Variants in FBP2 observed in about 807,000 individuals in gnomAD.
The protein encoded by FBP2 is fructose-bisphosphatase 2, also known as fructose-1,6-bisphosphatase isozyme 2.
In FBP2, 27 loss-of-function variants were observed where a neutral mutation model predicts 31.6. The ratio of observed to expected loss-of-function variants is 0.85; its 90% CI spans 0.63 to 1.18. The LOEUF is 1.18. FBP2 is among the 50% of genes most tolerant of loss of function. FBP2 has a pLI of 0.00. For missense variants in FBP2, 421 were observed against 436.1 expected, an observed-to-expected ratio of 0.97 and a Z score of 0.31; for synonymous variants, 168 against 179.8, an observed-to-expected ratio of 0.93 and a Z score of 0.53.
chr9:94,567,243 G>A (rs374994599), intron 5 of FBP2, 27 bp downstream of exon 5: 7 of 1,613,138 alleles, frequency 4.3e-6, no homozygotes, highest in Non-Finnish European at 5.9e-6. Flanking sequence ...CATTCTGTCT[G>A]CCACCCACCT....
intron 5 of FBP2, among the ~76,000 whole-genome samples, chr9:94,563,769 C>T (rs1207639381): frequency 6.6e-6 from 1 of 152,096 alleles, no homozygotes. Context: ...ACATGCAGTG[C>T]CACCTATAGG....
chr9:94,582,947 G>A (rs112528389), intron 3 of FBP2, among the ~76,000 whole-genome samples: 7,274 of 147,136 alleles, frequency 0.049, 554 homozygotes, highest in African/African-American at 0.17. Flanking sequence ...CTCTGCCCCC[G>A]GGTTCAAGCA....
At chr9:94,559,234 T>C in intron 6 of FBP2, 102 bp from the exon 7 acceptor site, 1 of 979,802 alleles carries the variant, frequency 1.0e-6, no homozygotes, top group Non-Finnish European at 1.5e-6. Flanking sequence ...GGTGCTTCCA[T>C]CTGGCTAGCA....
intron 5 of FBP2, among the ~76,000 whole-genome samples, chr9:94,565,464 T>C (rs1319159226): frequency 6.6e-6 from 1 of 152,172 alleles, no homozygotes; most frequent in African/African-American, 2.4e-5. Context: ...TTTTTTGTTG[T>C]CTTTATGTGA....
chr9:94,573,616 T>C (rs779403904), intron 3 of FBP2, among the ~76,000 whole-genome samples: 3 of 152,234 alleles, frequency 2.0e-5, no homozygotes, highest in Non-Finnish European at 4.4e-5. Flanking sequence ...CCTGTTGATA[T>C]GGTGGATTAC....
chr9:94,559,956 C>G (rs1423666773), intron 6 of FBP2, among the ~76,000 whole-genome samples: 1 of 152,116 alleles, frequency 6.6e-6, no homozygotes, highest in Non-Finnish European at 1.5e-5. Context: ...GAGACCCCAT[C>G]TCTACAAAAA....
intron 3 of FBP2, among the ~76,000 whole-genome samples, chr9:94,576,286 A>G (rs553507563): frequency 6.6e-6 from 1 of 152,204 alleles, no homozygotes; most frequent in African/African-American, 2.4e-5. Flanking sequence ...CTTCCCCCGA[A>G]ATAGTCAAAG....
Position 94,593,731 on chromosome 9 carries a change from G to T in FBP2, c.-5C>A. ...GAAGGGGCTTCTGTCCGTCATTTTG[G>T]CTGGAATGCTTCAAATCCTTTTCTC... is the stretch of plus-strand genomic sequence containing the variant. On this transcript the variant is annotated 5_prime_UTR_variant, in exon 1 of 7. Coordinates refer to ENST00000375337, the MANE Select transcript of FBP2 (RefSeq NM_003837.4). 6.2e-7 allele frequency: 1 copy of T among 1,613,912 alleles called. No individual in the cohort carries two copies. The highest frequency in any genetic ancestry group is 8.5e-7 in the Non-Finnish European group (1 of 1,179,874).
At chr9:94,559,616 TC>T (rs1827064365) in intron 6 of FBP2, among the ~76,000 whole-genome samples, 1 of 152,072 alleles carries the variant, frequency 6.6e-6, no homozygotes, top group South Asian at 2.1e-4. Flanking sequence ...GTGGAGGAAC[TC>T]CACATCTTAA....
chr9:94,572,086 C>A (rs1827275765), intron 3 of FBP2, among the ~76,000 whole-genome samples: 2 of 152,128 alleles, frequency 1.3e-5, no homozygotes, highest in Non-Finnish European at 2.9e-5. Flanking sequence ...GCACAACTCG[C>A]CCAGCAGCAG....
Position 94,584,292 on chromosome 9 carries a change from G to A in FBP2, c.426+285C>T, listed in dbSNP as rs1489168464. On this transcript the variant is annotated intron_variant, in intron 3 of 6. Coordinates refer to ENST00000375337, the MANE Select transcript of FBP2 (RefSeq NM_003837.4). The stretch of plus-strand genomic sequence containing the variant: ...TTCAGAATGCCACCTGGAACCTAAT[G>A]CCATGTCTGACATTTGTGTTGCACC... 2.0e-5 allele frequency among the ~76,000 whole-genome samples: 3 copies of A among 152,282 alleles called. No individual in the cohort carries two copies. In the East Asian group the frequency reaches 5.8e-4, roughly 29 times the overall value.
At chr9:94,576,903 G>A (rs1027502608) in intron 3 of FBP2, among the ~76,000 whole-genome samples, 1 of 152,032 alleles carries the variant, frequency 6.6e-6, no homozygotes, top group African/African-American at 2.4e-5. Flanking sequence ...GCTGGGGTTG[G>A]GGGGGCATTG....
intron 1 of FBP2, among the ~76,000 whole-genome samples, chr9:94,589,220 C>G (rs989254786): frequency 2.6e-5 from 4 of 152,216 alleles, no homozygotes; most frequent in Non-Finnish European, 5.9e-5. Flanking sequence ...CCGCCACCCT[C>G]TCACGTTCCA....
At chr9:94,590,522 C>G (rs1432863193) in intron 1 of FBP2, among the ~76,000 whole-genome samples, 1 of 152,110 alleles carries the variant, frequency 6.6e-6, no homozygotes, top group Non-Finnish European at 1.5e-5. Context: ...AGCCGCGGAC[C>G]CTCGCGGTGA....
chr9:94,567,411 G>A lies in FBP2; in HGVS notation c.568-4C>T. 1 of 1,613,702 alleles carries A rather than the reference G, an allele frequency of 6.2e-7. No homozygotes were observed. The highest frequency in any genetic ancestry group is 8.5e-7 in the Non-Finnish European group (1 of 1,180,004). Reference sequence around the variant, plus strand: ...CCAGGACAAATTCACCAAGAGCCTAGCAACATGAAGAGAGATGCCAGGAAG... The same window carrying A: ...CCAGGACAAATTCACCAAGAGCCTAACAACATGAAGAGAGATGCCAGGAAG... On this transcript the variant is annotated splice_polypyrimidine_tract_variant and splice_region_variant and intron_variant, in intron 4 of 6. Transcript: ENST00000375337.
intron 6 of FBP2, 118 bp from the exon 7 acceptor site, chr9:94,559,250 G>T: frequency 5.1e-6 from 4 of 789,164 alleles, no homozygotes; most frequent in South Asian, 3.7e-5. Context: ...TAGCATGAGC[G>T]CACCATGCAC....
At chr9:94,565,388 A>AGG (rs1827171519) in intron 5 of FBP2, among the ~76,000 whole-genome samples, 2 of 145,034 alleles carry the variant, frequency 1.4e-5, no homozygotes, top group Non-Finnish European at 3.0e-5. Context: ...AAAAAAAAAG[A>AGG]TGTTCCCAGT....
At chr9:94,587,546 C>T (rs561107986) in intron 1 of FBP2, 77 bp from the exon 2 acceptor site, 4 of 1,303,886 alleles carry the variant, frequency 3.1e-6, no homozygotes, top group Non-Finnish European at 4.4e-6. Flanking sequence ...CCCTAAAACG[C>T]CAGCAGTGCA....
rs55778806 is a variant in FBP2 at position 94,579,050 on chromosome 9, C to CAAAAAAAAAAAAAAAAAAA, written c.426+5508_426+5526dup. Reference sequence around the variant, plus strand: ...CCTGGGCAACAGAGAGAGACTCTGTCAAAAAAAAAAAAAAAAAAAGGTTAT... The same window carrying CAAAAAAAAAAAAAAAAAAA: ...CCTGGGCAACAGAGAGAGACTCTGTCAAAAAAAAAAAAAAAAAAAAAAAAAAAAAAAAAAAAAAGGTTAT... On this transcript the variant is annotated intron_variant, in intron 3 of 6. Coordinates refer to ENST00000375337, the MANE Select transcript of FBP2 (RefSeq NM_003837.4). Among the ~76,000 whole-genome samples, 115 of 30,586 alleles carry CAAAAAAAAAAAAAAAAAAA rather than the reference C, an allele frequency of 3.8e-3. 16 individuals are homozygous for CAAAAAAAAAAAAAAAAAAA. The highest frequency in any genetic ancestry group is 8.7e-3 in the East Asian group (7 of 804). 20.1% of individuals were successfully genotyped at this position (30,586 alleles called of 152,430 possible).
Sources: gnomAD v4.1 joint callset for allele counts (sites outside exome capture counted in the v4.1 genomes callset) on GRCh38, gnomAD v4.1.1 for gene constraint, MANE v1.5 for transcripts, NCBI Gene and HGNC (gene_info 2026-07-23, HGNC 2026-07-21) for gene names.